The following FLT3 variants were observed in gnomAD, a reference collection of about 807,000 sequenced individuals.
The protein encoded by FLT3 is receptor-type tyrosine-protein kinase FLT3.
A neutral mutation model predicts 126.6 loss-of-function variants in FLT3; 46 were observed. The ratio of observed to expected loss-of-function variants is 0.36; its 90% confidence interval spans 0.29 to 0.46. FLT3 has a LOEUF of 0.46. Among genes scored for constraint, FLT3 ranks in the 20% least tolerant of loss-of-function variants. The probability of loss-of-function intolerance (pLI) is 1.00; values close to 1 mark genes in which losing one functional copy is unlikely to be tolerated. For synonymous variants in FLT3, 404 were observed against 434.4 expected (o/e 0.93, Z 0.87); for missense variants, 1,069 against 1,190.3 (o/e 0.90, Z 1.50).
chr13:28,099,178 C>A (rs749150404), intron 1 of FLT3, among the ~76,000 whole-genome samples: 12 of 152,116 alleles, frequency 7.9e-5, no homozygotes, highest in Non-Finnish European at 1.8e-4. Context: ...GCTTAAATAT[C>A]GTTGCAAGTA....
rs55675449 is a variant in FLT3 at position 28,098,314 on chromosome 13, C to CAAAAAAAAAAAAAAA, written c.43+2139_43+2153dup. Reference sequence around the variant, plus strand: ...TGGGTGACAGAGCAAGACTCCGTCTCAAAAAAAAAAAAAAAAAAAAAAGTA... The same window carrying CAAAAAAAAAAAAAAA: ...TGGGTGACAGAGCAAGACTCCGTCTCAAAAAAAAAAAAAAAAAAAAAAAAAAAAAAAAAAAAAGTA... On this transcript the variant is annotated intron_variant, in intron 1 of 23. Coordinates refer to ENST00000241453, the MANE Select transcript of FLT3 (RefSeq NM_004119.3). Among the ~76,000 whole-genome samples the CAAAAAAAAAAAAAAA allele has an allele frequency of 1.1e-3, 93 of 85,280 alleles. 2 individuals are homozygous for CAAAAAAAAAAAAAAA. Among genetic ancestry groups the CAAAAAAAAAAAAAAA allele is most frequent in the African/African-American group, 3.4e-3 (86 of 25,584 alleles). The allele number at this position is 85,280 out of a possible 152,430, so 55.9% of individuals were successfully genotyped here. A position where few individuals can be genotyped will look rare whatever the true frequency, so the allele number is the denominator to read the frequency against.
intron 15 of FLT3, among the ~76,000 whole-genome samples, chr13:28,029,257 C>T (rs1239132281): frequency 2.6e-5 from 4 of 152,074 alleles, no homozygotes; most frequent in Non-Finnish European, 2.9e-5. Context: ...CCGGGCGTGC[C>T]GGTGCGTACC....
chr13:28,029,505 T>C (rs993131637), intron 15 of FLT3, among the ~76,000 whole-genome samples: 4 of 152,216 alleles, frequency 2.6e-5, no homozygotes, highest in Non-Finnish European at 5.9e-5. Context: ...ATCCTTACAG[T>C]TGGCCCTCAA....
rs530817562 is a variant in FLT3 at position 28,026,255 on chromosome 13, C to T, written c.2207+833G>A. On this transcript the variant is annotated intron_variant, in intron 17 of 23. Coordinates refer to ENST00000241453, the MANE Select transcript of FLT3 (RefSeq NM_004119.3). ...ATCTCAGCTACTCGGGAGGCTGAGG[C>T]AAGAGAATCGCTTGAACCTGGGATG... 6.1e-5 allele frequency among the ~76,000 whole-genome samples: 9 copies of T among 146,828 alleles called. No homozygotes were observed. The East Asian group carries it at 1.8e-3, about 30-fold the overall frequency.
chr13:28,098,375 T>G (rs1444144645), intron 1 of FLT3, among the ~76,000 whole-genome samples: 4 of 151,908 alleles, frequency 2.6e-5, no homozygotes, highest in African/African-American at 4.8e-5. Context: ...GATCCCATGT[T>G]CTAATTCAAA....
intron 15 of FLT3, among the ~76,000 whole-genome samples, chr13:28,032,924 C>A (rs1314363129): frequency 1.3e-5 from 2 of 152,156 alleles, no homozygotes; most frequent in Non-Finnish European, 2.9e-5. Context: ...GCTGGAGATG[C>A]TTTTGCTGGG....
rs2137741603 is a variant in FLT3, at chr13:28,052,680, G to A, written c.485-6C>T. 6.3e-7 allele frequency: 1 copy of A among 1,575,868 alleles called. No homozygotes were observed. Among genetic ancestry groups the A allele is most frequent in the Non-Finnish European group, 8.7e-7 (1 of 1,150,670 alleles). On this transcript the variant is annotated splice_region_variant and splice_polypyrimidine_tract_variant and intron_variant, in intron 4 of 23. Coordinates refer to ENST00000241453, the MANE Select transcript of FLT3 (RefSeq NM_004119.3). ...TAATGTGTAAAGCAGGGTATCTAAAGCATCATAAGTTATTAACATTTTACT... is the reference window on the plus strand; with the variant it reads ...TAATGTGTAAAGCAGGGTATCTAAAACATCATAAGTTATTAACATTTTACT...
chr13:28,019,999 C>T (rs1175693544), intron 19 of FLT3, among the ~76,000 whole-genome samples: 2 of 152,188 alleles, frequency 1.3e-5, no homozygotes, highest in African/African-American at 4.8e-5. Flanking sequence ...AAACATTTCT[C>T]TTGAGCTTCA....
intron 23 of FLT3, among the ~76,000 whole-genome samples, chr13:28,011,359 G>T (rs1593209707): frequency 6.8e-6 from 1 of 146,464 alleles, no homozygotes; most frequent in African/African-American, 2.5e-5. Flanking sequence ...GAGGGGAGGG[G>T]AGGAGAGAAG....
intron 21 of FLT3, 125 bp downstream of exon 21, chr13:28,015,465 A>G (rs1871757219): frequency 7.3e-5 from 39 of 537,296 alleles, no homozygotes; most frequent in South Asian, 6.7e-4. Context: ...CAGCAAATAA[A>G]CATAAAGTCA....
Position 28,100,458 on chromosome 13 carries a change from G to T in FLT3, c.43+10C>A. 1 of 1,217,454 alleles carries T rather than the reference G, an allele frequency of 8.2e-7. No individual in the cohort carries two copies. The highest frequency in any genetic ancestry group is 3.2e-4 in the Middle Eastern group (1 of 3,124). 75.4% of individuals were successfully genotyped at this position (1,217,454 alleles called of 1,614,324 possible). On this transcript the variant is annotated intron_variant, in intron 1 of 23. Transcript: ENST00000241453. The surrounding 1 kb of genome is among the most constrained non-coding windows in gnomAD (Gnocchi z 4.8). ...CGCGAGGGGCTGCGAGCGAGCGAGC[G>T]GGGCCTTACCGAGCAGCGGCAGCTG... is the stretch of plus-strand genomic sequence containing the variant.
intron 23 of FLT3, among the ~76,000 whole-genome samples, chr13:28,004,380 A>ACCGT (rs1192048150): frequency 1.3e-5 from 2 of 152,168 alleles, no homozygotes; most frequent in East Asian, 1.9e-4. Flanking sequence ...ACCATAGTTC[A>ACCGT]CCGTGGCCTT....
intron 19 of FLT3, among the ~76,000 whole-genome samples, chr13:28,020,714 C>T (rs536048740): frequency 6.6e-6 from 1 of 152,198 alleles, no homozygotes; most frequent in South Asian, 2.1e-4. Flanking sequence ...GATCTTCGAG[C>T]CCAGGAGTCA....
intron 9 of FLT3, among the ~76,000 whole-genome samples, chr13:28,042,702 T>C (rs759416026): frequency 3.2e-4 from 48 of 152,250 alleles, no homozygotes; most frequent in South Asian, 6.2e-4. Flanking sequence ...GGTTAATAAC[T>C]TACAACTGAG....
chr13:28,079,727 T>C (rs1878196822), intron 1 of FLT3, among the ~76,000 whole-genome samples: 1 of 152,118 alleles, frequency 6.6e-6, no homozygotes, highest in African/African-American at 2.4e-5. Context: ...GTGAGACTTA[T>C]TCACTAGCAC....
At chr13:28,075,992 C>T (rs1182560570) in intron 1 of FLT3, among the ~76,000 whole-genome samples, 1 of 151,932 alleles carries the variant, frequency 6.6e-6, no homozygotes, top group African/African-American at 2.4e-5. Context: ...AAGTGAGGGT[C>T]CCCCATGTTG....
intron 12 of FLT3, 101 bp from the exon 13 acceptor site, chr13:28,034,508 T>A: frequency 1.2e-6 from 1 of 862,624 alleles, no homozygotes; most frequent in Non-Finnish European, 1.9e-6. Flanking sequence ...GTTTCAGTAA[T>A]AATCATTTTC....
chr13:28,033,940 T>C lies in FLT3; in HGVS notation c.1889A>G (p.Tyr630Cys), dbSNP rs777621655. The C allele has an allele frequency of 1.2e-6, 2 of 1,614,234 alleles. No homozygotes were observed. The highest frequency in any genetic ancestry group is 2.2e-5 in the East Asian group (1 of 44,878). ...TGAGACTCCTGTTTTGCTAATTCCATAAGCTGTTGCGTTCATCACTTTTCC... is the reference window on the plus strand; with the variant it reads ...TGAGACTCCTGTTTTGCTAATTCCACAAGCTGTTGCGTTCATCACTTTTCC... Reference protein sequence around the residue: ...AFGKVMNATAYGISKTGVSIQ... With the variant: ...AFGKVMNATACGISKTGVSIQ... The change falls in exon 15 of 24, where the codon TAT becomes TGT. Residue 630 changes from tyrosine to cysteine, a missense_variant. Transcript: ENST00000241453.
chr13:28,027,482 C>A (rs1188561374), intron 16 of FLT3, among the ~76,000 whole-genome samples: 1 of 152,214 alleles, frequency 6.6e-6, no homozygotes, highest in African/African-American at 2.4e-5. Flanking sequence ...TGTGTGGCCT[C>A]ACCAATACCA....
Sources: allele counts gnomAD v4.1 joint callset (sites outside exome capture counted in the v4.1 genomes callset), GRCh38; gene constraint gnomAD v4.1.1; non-coding constraint Gnocchi (gnomAD v3.1); transcripts MANE v1.5; gene names NCBI Gene and HGNC (gene_info 2026-07-23, HGNC 2026-07-21).